Variants in TCEA3 observed in about 807,000 individuals in gnomAD.
TCEA3 encodes the protein transcription elongation factor A3, also known as transcription elongation factor A protein 3.
A neutral mutation model predicts 44.0 loss-of-function variants in TCEA3; 36 were observed. That is an observed-to-expected ratio of 0.82 (90% CI 0.63 to 1.08). TCEA3 has a LOEUF of 1.08. Ranked by LOEUF, TCEA3 falls within the 50% of genes least tolerant of loss-of-function variation. The probability of loss-of-function intolerance (pLI) is 0.00; values close to 1 mark genes in which losing one functional copy is unlikely to be tolerated. For missense variants in TCEA3, 392 were observed against 441.2 expected (o/e 0.89, Z 1.00); for synonymous variants, 162 against 159.7 (o/e 1.01, Z -0.11).
At chr1:23,389,598 C>T (rs570820504) in intron 8 of TCEA3, among the ~76,000 whole-genome samples, 36 of 152,010 alleles carry the variant, frequency 2.4e-4, no homozygotes, top group Non-Finnish European at 3.2e-4. Context: ...TGCAGTGAGC[C>T]GAGATCACGT....
intron 1 of TCEA3, chr1:23,423,975 C>T (rs543828187): frequency 7.9e-4 from 325 of 412,538 alleles, no homozygotes; most frequent in African/African-American, 6.0e-3. Context: ...CCGTCCGGGC[C>T]GCACCCCAAG....
chr1:23,419,565 G>T (rs759096465), intron 1 of TCEA3, among the ~76,000 whole-genome samples: 1 of 152,238 alleles, frequency 6.6e-6, no homozygotes, highest in African/African-American at 2.4e-5. Context: ...TGGCCAGCAT[G>T]GTGGCTCACA....
chr1:23,417,987 A>G lies in TCEA3; in HGVS notation c.155T>C (p.Val52Ala). 1.9e-6 allele frequency: 3 copies of G among 1,614,074 alleles called. No individual in the cohort carries two copies. The highest frequency in any genetic ancestry group is 2.5e-6 in the Non-Finnish European group (3 of 1,179,902). ...TGAGCAGTGCTTGCGGACCCCATTA[A>G]CAGCAACTCCAATCCTGGTTGTCTG... ...LLQTTRIGVA[V>A]NGVRKHCSDK... Residue 52 changes from valine to alanine, a missense_variant, in exon 3 of 11, where the codon GTT becomes GCT. Transcript: ENST00000450454.
intron 8 of TCEA3, among the ~76,000 whole-genome samples, chr1:23,389,256 GA>G: frequency 6.6e-6 from 1 of 152,150 alleles, no homozygotes; most frequent in Admixed American, 6.6e-5. Flanking sequence ...GGGAGGCTGG[GA>G]CAGGTGGATC....
At chr1:23,423,868 AG>A (rs935012171) in intron 1 of TCEA3, 17 of 455,712 alleles carry the variant, frequency 3.7e-5, no homozygotes, top group Non-Finnish European at 5.7e-5. Context: ...CCTCCCGCCG[AG>A]CCCGCTCCTC....
intron 5 of TCEA3, chr1:23,403,744 C>T (rs1328338003): frequency 8.7e-6 from 2 of 230,976 alleles, no homozygotes; most frequent in African/African-American, 2.2e-5. Context: ...AACACATCAA[C>T]TGTGTCTTTA....
At chr1:23,401,074 A>G (rs1391163036) in intron 5 of TCEA3, among the ~76,000 whole-genome samples, 1 of 152,148 alleles carries the variant, frequency 6.6e-6, no homozygotes, top group Non-Finnish European at 1.5e-5. Context: ...GTTACCAGAG[A>G]ATCCCATCCA....
rs980563093 is a variant in TCEA3 at position 23,419,086 on chromosome 1, C to T, written c.123G>A (p.Gln41=). The change falls in exon 2 of 11, where the codon CAG becomes CAA. Residue 41 remains glutamine (Q), a synonymous_variant. Transcript: ENST00000450454. ...KKLHSCQMSI[Q]LLQTTRIGVA... is the part of the protein sequence containing the mutation. ...CCCACCCCCGCCCCACCTGTAGTAG[C>T]TGGATGGACATCTGGCAGCTGTGCA... 2 of 1,448,468 alleles carry T rather than the reference C, an allele frequency of 1.4e-6. No individual in the cohort carries two copies. Among genetic ancestry groups the T allele is most frequent in the East Asian group, 3.3e-5 (1 of 30,520 alleles). 89.7% of individuals were successfully genotyped at this position (1,448,468 alleles called of 1,614,324 possible). A position where few individuals can be genotyped will look rare whatever the true frequency, so the allele number is the denominator to read the frequency against.
intron 8 of TCEA3, among the ~76,000 whole-genome samples, chr1:23,392,406 CATCATGCACA>C (rs200215377): frequency 0.46 from 3,496 of 7,618 alleles, 1,067 homozygotes; most frequent in Middle Eastern, 0.69. Context: ...CTCCACACAT[CATCATGCACA>C]ATACACACAC....
chr1:23,385,844 T>G (rs1363904437), intron 9 of TCEA3, among the ~76,000 whole-genome samples: 9 of 152,200 alleles, frequency 5.9e-5, no homozygotes, highest in Non-Finnish European at 8.8e-5. Context: ...CCAAGTTAGC[T>G]GGATTGCAGG....
At chr1:23,389,491 A>AG (rs1181308078) in intron 8 of TCEA3, among the ~76,000 whole-genome samples, 1 of 150,912 alleles carries the variant, frequency 6.6e-6, no homozygotes, top group Non-Finnish European at 1.5e-5. Context: ...TTCCATCAAA[A>AG]AAAAAAAAAA....
At chr1:23,404,564 A>G (rs1320277024) in intron 5 of TCEA3, among the ~76,000 whole-genome samples, 1 of 152,038 alleles carries the variant, frequency 6.6e-6, no homozygotes, top group African/African-American at 2.4e-5. Flanking sequence ...ATGAGTTTCA[A>G]CCTTTGCCTG....
intron 5 of TCEA3, among the ~76,000 whole-genome samples, chr1:23,406,215 C>G (rs116109287): frequency 0.016 from 2,484 of 152,302 alleles, 57 homozygotes; most frequent in South Asian, 0.068. Context: ...AGCTGGCTGC[C>G]ATGTTGGAGG....
chr1:23,403,070 C>G (rs924975019), intron 5 of TCEA3, among the ~76,000 whole-genome samples: 3 of 152,240 alleles, frequency 2.0e-5, no homozygotes, highest in African/African-American at 7.2e-5. Flanking sequence ...ACCCAGGCAA[C>G]GCCATCTCCT....
chr1:23,404,102 C>A (rs557264355), intron 5 of TCEA3: 6 of 702,162 alleles, frequency 8.5e-6, no homozygotes, highest in Non-Finnish European at 1.6e-5. Context: ...GGAGGCCGGG[C>A]CCGCTGCTTC....
At chr1:23,390,544 G>C (rs1479383894) in intron 8 of TCEA3, among the ~76,000 whole-genome samples, 1 of 152,076 alleles carries the variant, frequency 6.6e-6, no homozygotes, top group East Asian at 1.9e-4. Context: ...TAGCATGTTT[G>C]GGGAAAAGTA....
At chr1:23,402,106 C>A (rs150856744) in intron 5 of TCEA3, among the ~76,000 whole-genome samples, 1 of 152,148 alleles carries the variant, frequency 6.6e-6, no homozygotes, top group Non-Finnish European at 1.5e-5. Flanking sequence ...TTTGGCAGAT[C>A]GAGGTGGGAG....
chr1:23,418,966 GC>G, intron 2 of TCEA3, 110 bp downstream of exon 2: 2 of 780,936 alleles, frequency 2.6e-6, no homozygotes, highest in Non-Finnish European at 3.5e-6. Context: ...CTCCCCACAG[GC>G]CCCCCTCAGA....
At chr1:23,386,341 C>T (rs932452487) in intron 9 of TCEA3, among the ~76,000 whole-genome samples, 4 of 151,862 alleles carry the variant, frequency 2.6e-5, no homozygotes, top group African/African-American at 4.8e-5. Context: ...CCTGCCTCAT[C>T]GCCACCCATT....
Sources: allele counts gnomAD v4.1 joint callset (sites outside exome capture counted in the v4.1 genomes callset), GRCh38; gene constraint gnomAD v4.1.1; transcripts MANE v1.5; gene names NCBI Gene and HGNC (gene_info 2026-07-23, HGNC 2026-07-21).